GRIN2B: variants seen among roughly 807,000 people sequenced by gnomAD.
GRIN2B encodes the protein glutamate ionotropic receptor NMDA type subunit 2B.
Under a neutral mutation model 114.5 loss-of-function variants are expected in GRIN2B, and 5 were observed. The observed-to-expected ratio is 0.04, with a 90% CI of 0.02 to 0.09. GRIN2B has a LOEUF of 0.09. Among genes scored for constraint, GRIN2B ranks in the 10% least tolerant of loss-of-function variants. The pLI, the probability that GRIN2B is intolerant of heterozygous loss-of-function variation, is 1.00. For missense variants in GRIN2B, 1,108 were observed against 1,943.5 expected (o/e 0.57, Z 8.08); for synonymous variants, 787 against 745.1 (o/e 1.06, Z -0.92).
chr12:13,981,097 G>A (rs1381072909), intron 1 of GRIN2B, among the ~76,000 whole-genome samples: 4 of 151,808 alleles, frequency 2.6e-5, no homozygotes, highest in African/African-American at 9.7e-5. Flanking sequence ...TCTGCTAGGT[G>A]AAGGGATGAA....
Position 13,578,651 on chromosome 12 carries a change from C to A in GRIN2B, c.2011-6687G>T, listed in dbSNP as rs116079702. Among the ~76,000 whole-genome samples, 425 of 152,308 alleles carry A rather than the reference C, an allele frequency of 2.8e-3. 3 individuals are homozygous for A. The highest frequency in any genetic ancestry group is 9.6e-3 in the African/African-American group (399 of 41,558). On this transcript the variant is annotated intron_variant, in intron 10 of 13. Coordinates refer to ENST00000609686, the MANE Select transcript of GRIN2B (RefSeq NM_000834.5). Reference sequence around the variant, plus strand: ...AACCAGTAAAATATAATAAAATATTCTTGCTTTAAGCCACTAAGTGTTGGG... The same window carrying A: ...AACCAGTAAAATATAATAAAATATTATTGCTTTAAGCCACTAAGTGTTGGG...
chr12:13,927,337 T>A (rs1017826142), intron 2 of GRIN2B, among the ~76,000 whole-genome samples: 5 of 152,124 alleles, frequency 3.3e-5, no homozygotes, highest in African/African-American at 1.2e-4. Context: ...ATTTTCCACC[T>A]CAAGGAAGCC....
At chr12:13,650,316 C>T (rs1269347091) in intron 5 of GRIN2B, among the ~76,000 whole-genome samples, 1 of 146,712 alleles carries the variant, frequency 6.8e-6, no homozygotes, top group Non-Finnish European at 1.5e-5. Context: ...TGCCTGAAAC[C>T]TGTCCCCTTC....
intron 5 of GRIN2B, among the ~76,000 whole-genome samples, chr12:13,616,907 T>A (rs950711374): frequency 1.3e-5 from 2 of 152,258 alleles, no homozygotes; most frequent in Admixed American, 1.3e-4. Flanking sequence ...ACCTACTATG[T>A]GCTGGCACCC....
At chr12:13,727,467 G>C (rs1402792092) in intron 4 of GRIN2B, among the ~76,000 whole-genome samples, 1 of 152,146 alleles carries the variant, frequency 6.6e-6, no homozygotes, top group Non-Finnish European at 1.5e-5. Context: ...CTGGTCATTT[G>C]GGGCTTTAGC....
At chr12:13,923,565 G>C (rs916953549) in intron 2 of GRIN2B, among the ~76,000 whole-genome samples, 2 of 152,228 alleles carry the variant, frequency 1.3e-5, no homozygotes, top group Admixed American at 6.5e-5. Flanking sequence ...TCTTTAAAGA[G>C]AGAGAGTAGG....
rs1591638714 is a variant in GRIN2B at position 13,608,669 on chromosome 12, G to A, written c.1944C>T (p.Ala648=). Residue 648 remains alanine (A), a synonymous_variant, in exon 10 of 14, where the codon GCC becomes GCT. Transcript: ENST00000609686. The part of the protein sequence containing the change: ...FAVIFLASYT[A]NLAAFMIQEE... ...CTTGGATCATGAAGGCAGCTAAGTT[G>A]GCAGTGTAGCTGGCCAGGAAGATGA... 6.2e-7 allele frequency: 1 copy of A among 1,614,140 alleles called. No homozygotes were observed. The highest frequency in any genetic ancestry group is 8.5e-7 in the Non-Finnish European group (1 of 1,180,018).
intron 5 of GRIN2B, among the ~76,000 whole-genome samples, chr12:13,647,679 G>T (rs980638246): frequency 2.6e-5 from 4 of 152,000 alleles, no homozygotes; most frequent in Admixed American, 1.3e-4. Flanking sequence ...TAGAATAGAG[G>T]GGTAGCCTGA....
intron 13 of GRIN2B, among the ~76,000 whole-genome samples, chr12:13,565,423 C>T (rs1235310759): frequency 6.6e-6 from 1 of 152,204 alleles, no homozygotes; most frequent in Non-Finnish European, 1.5e-5. Context: ...TACTTTCTCA[C>T]TCACTTAATA....
Position 13,558,045 on chromosome 12 carries a change from C to G in GRIN2B, c.*4738G>C, listed in dbSNP as rs1316782496. 2.0e-5 allele frequency: 3 copies of G among 152,202 alleles called. No homozygotes were observed. Among genetic ancestry groups the G allele is most frequent in the Non-Finnish European group, 4.4e-5 (3 of 68,056 alleles). 9.4% of individuals were successfully genotyped at this position (152,202 alleles called of 1,614,324 possible). A position where few individuals can be genotyped will look rare whatever the true frequency, so the allele number is the denominator to read the frequency against. On this transcript the variant is annotated 3_prime_UTR_variant, in exon 14 of 14. Coordinates refer to ENST00000609686, the MANE Select transcript of GRIN2B (RefSeq NM_000834.5). ...ACCACATAGCATACATAAGGCCAGA[C>G]CCATCCCAGTGTGACTATTCACTTT...
At chr12:13,609,437 A>G (rs922354866) in intron 9 of GRIN2B, among the ~76,000 whole-genome samples, 26 of 152,250 alleles carry the variant, frequency 1.7e-4, no homozygotes, top group African/African-American at 6.3e-4. Flanking sequence ...CTCCGATGCC[A>G]ACACTTCCCA....
chr12:13,571,125 G>A (rs1047225643), intron 11 of GRIN2B, among the ~76,000 whole-genome samples: 4 of 152,204 alleles, frequency 2.6e-5, no homozygotes, highest in Non-Finnish European at 5.9e-5. Flanking sequence ...AGGTCCAAGT[G>A]CTGTTAGTCA....
intron 2 of GRIN2B, among the ~76,000 whole-genome samples, chr12:13,953,633 C>A (rs1430832763): frequency 6.6e-6 from 1 of 152,116 alleles, no homozygotes; most frequent in Non-Finnish European, 1.5e-5. Flanking sequence ...AATATATCTC[C>A]CCCTTTCTCT....
intron 2 of GRIN2B, among the ~76,000 whole-genome samples, chr12:13,921,235 A>G (rs1331710883): frequency 6.6e-6 from 1 of 152,038 alleles, no homozygotes; most frequent in African/African-American, 2.4e-5. Context: ...CATCTCTACT[A>G]AAAATACAAC....
chr12:13,788,207 T>C (rs1385294177), intron 3 of GRIN2B, among the ~76,000 whole-genome samples: 2 of 152,202 alleles, frequency 1.3e-5, no homozygotes, highest in African/African-American at 4.8e-5. Context: ...AGATTATGTG[T>C]GATGAAGCTT....
intron 3 of GRIN2B, among the ~76,000 whole-genome samples, chr12:13,805,624 T>A (rs1378717815): frequency 6.6e-6 from 1 of 152,190 alleles, no homozygotes; most frequent in Non-Finnish European, 1.5e-5. Context: ...CAAATAAAAA[T>A]TGTATGTATT....
chr12:13,836,413 G>C (rs1865266935), intron 3 of GRIN2B, among the ~76,000 whole-genome samples: 1 of 152,206 alleles, frequency 6.6e-6, no homozygotes, highest in East Asian at 1.9e-4. Context: ...AAGCCACCTG[G>C]AAACCATGCC....
At chr12:13,838,793 C>T (rs919974586) in intron 3 of GRIN2B, among the ~76,000 whole-genome samples, 6 of 152,216 alleles carry the variant, frequency 3.9e-5, no homozygotes, top group African/African-American at 1.4e-4. Context: ...CAAGAAATAT[C>T]TGTATTTCAG....
chr12:13,826,348 G>C (rs931836521), intron 3 of GRIN2B, among the ~76,000 whole-genome samples: 43 of 152,248 alleles, frequency 2.8e-4, no homozygotes, highest in African/African-American at 1.0e-3. Flanking sequence ...GTGCATGCCT[G>C]TAATCTCAGC....
Sources: gnomAD v4.1 joint callset for allele counts (sites outside exome capture counted in the v4.1 genomes callset) on GRCh38, gnomAD v4.1.1 for gene constraint, MANE v1.5 for transcripts, NCBI Gene and HGNC (gene_info 2026-07-23, HGNC 2026-07-21) for gene names.